The following ARMC2 variants were observed in gnomAD, a reference collection of about 807,000 sequenced individuals.
The protein encoded by ARMC2 is armadillo repeat containing 2.
Under a neutral mutation model 90.3 loss-of-function variants are expected in ARMC2, and 67 were observed. That is an observed-to-expected ratio of 0.74 (90% CI 0.61 to 0.91). The LOEUF is 0.91. Ranked by LOEUF, ARMC2 falls within the 40% of genes least tolerant of loss-of-function variation. The probability of loss-of-function intolerance (pLI) is 0.00; values close to 1 mark genes in which losing one functional copy is unlikely to be tolerated. For missense variants in ARMC2, 920 were observed against 1,030.9 expected (o/e 0.89, Z 1.47); for synonymous variants, 393 against 393.0 (o/e 1.00, Z 0.00).
At chr6:108,962,706 A>G (rs1303187693) in intron 15 of ARMC2, among the ~76,000 whole-genome samples, 1 of 152,240 alleles carries the variant, frequency 6.6e-6, no homozygotes, top group East Asian at 1.9e-4. Context: ...GTAAACTCCA[A>G]TTTAAGACAG....
rs1439290219 is a variant in ARMC2, at chr6:108,913,055, C to T, written c.1350+497C>T. ...TAGGAATGCAGGGAACAAAACTGGA[C>T]GCATGGAATATAAACAGAGCAGGTA... On this transcript the variant is annotated intron_variant, in intron 10 of 17. Coordinates refer to ENST00000392644, the MANE Select transcript of ARMC2 (RefSeq NM_032131.6). 5.9e-5 allele frequency among the ~76,000 whole-genome samples: 9 copies of T among 151,894 alleles called. No individual in the cohort carries two copies. In the South Asian group the frequency reaches 8.3e-4, roughly 14 times the overall value.
chr6:108,894,983 G>C (rs1051551121), intron 6 of ARMC2, among the ~76,000 whole-genome samples: 3 of 150,352 alleles, frequency 2.0e-5, no homozygotes, highest in Non-Finnish European at 1.5e-5. Context: ...AGCCAGGATG[G>C]TCTCAATCTC....
intron 4 of ARMC2, among the ~76,000 whole-genome samples, chr6:108,869,726 A>C (rs1776198022): frequency 6.6e-6 from 1 of 152,136 alleles, no homozygotes; most frequent in Non-Finnish European, 1.5e-5. Flanking sequence ...TGGGACTTCT[A>C]CTGCCTGAGA....
Position 108,973,503 on chromosome 6 carries a change from C to G in ARMC2, c.2593C>G (p.Pro865Ala), listed in dbSNP as rs769615761. 1.2e-6 allele frequency: 2 copies of G among 1,611,756 alleles called. No individual in the cohort carries two copies. The highest frequency in any genetic ancestry group is 2.7e-5 in the African/African-American group (2 of 74,882). ...CACCTTCCTGGAACCCCTGCCCATT[C>G]CCTCTTTCTAACATGATGCAGATTA... is the stretch of plus-strand genomic sequence containing the variant. ...HHTFLEPLPI[P>A]SF The change falls in exon 18 of 18, where the codon CCC (proline) becomes GCC (alanine). Residue 865 changes from proline to alanine, a missense_variant. Pro to Ala is a conservative substitution (Grantham distance 27). Coordinates refer to ENST00000392644, the MANE Select transcript of ARMC2 (RefSeq NM_032131.6).
rs760295248 is a variant in ARMC2 at position 108,904,276 on chromosome 6, T to C, written c.894T>C (p.His298=). The C allele has an allele frequency of 8.7e-6, 14 of 1,613,814 alleles. No homozygotes were observed. The highest frequency in any genetic ancestry group is 1.2e-5 in the Non-Finnish European group (14 of 1,179,860). ...GTGCTGCTTGCACACAACTTCATCA[T>C]GCTTTAGAGGAAGGAAACATGCTTG... is the stretch of plus-strand genomic sequence containing the variant. ...TVCAACTQLH[H]ALEEGNMLGN... The change falls in exon 8 of 18, where the codon CAT becomes CAC. Residue 298 remains histidine, a synonymous_variant. Transcript: ENST00000392644.
the ARMC2 span, among the ~76,000 whole-genome samples, chr6:109,046,157 T>G: frequency 0.072 from 10,952 of 151,920 alleles, 895 homozygotes; most frequent in African/African-American, 0.2. Context: ...GAAGCTGGAC[T>G]GTACTGCTGC....
chr6:108,927,971 G>A, intron 10 of ARMC2, 117 bp from the exon 11 acceptor site: 2 of 1,035,688 alleles, frequency 1.9e-6, no homozygotes, highest in Non-Finnish European at 2.7e-6. Flanking sequence ...ATGCATAGCG[G>A]GAGCTTTGCT....
the ARMC2 span, chr6:108,988,758 A>C: frequency 8.1e-7 from 1 of 1,239,318 alleles, no homozygotes; most frequent in Non-Finnish European, 1.1e-6. Flanking sequence ...AAAAGTATAC[A>C]CATCAATAGT....
At chr6:109,006,469 C>G in the ARMC2 span, among the ~76,000 whole-genome samples, 5 of 129,790 alleles carry the variant, frequency 3.9e-5, no homozygotes, top group East Asian at 1.4e-3. Flanking sequence ...CCACGACAGG[C>G]CCCGGTGTGT....
At chr6:109,010,938 G>C in the ARMC2 span, among the ~76,000 whole-genome samples, 1 of 152,198 alleles carries the variant, frequency 6.6e-6, no homozygotes, top group African/African-American at 2.4e-5. Flanking sequence ...GGTTGTAAAT[G>C]AATGAGTTGG....
intron 17 of ARMC2, among the ~76,000 whole-genome samples, chr6:108,970,180 C>T (rs1227513429): frequency 1.3e-5 from 2 of 152,112 alleles, no homozygotes; most frequent in Non-Finnish European, 2.9e-5. Context: ...AACTTTAGAC[C>T]TCATTTCTCT....
chr6:108,913,607 A>G (rs1350436252), intron 10 of ARMC2, among the ~76,000 whole-genome samples: 1 of 152,252 alleles, frequency 6.6e-6, no homozygotes, highest in Non-Finnish European at 1.5e-5. Context: ...AAATGCTGAA[A>G]AGTATAAGGA....
chr6:109,001,640 A>C, the ARMC2 span: 20 of 676,444 alleles, frequency 3.0e-5, no homozygotes, highest in South Asian at 3.9e-4. Flanking sequence ...ACTGGTTGAA[A>C]GATACAGAAG....
chr6:109,044,753 G>A, the ARMC2 span, among the ~76,000 whole-genome samples: 1 of 152,066 alleles, frequency 6.6e-6, no homozygotes, highest in Admixed American at 6.5e-5. Context: ...GCCGGGCGCA[G>A]TGGCTCACGC....
chr6:108,971,674 C>T (rs1428652622), intron 17 of ARMC2, among the ~76,000 whole-genome samples: 2 of 151,974 alleles, frequency 1.3e-5, no homozygotes, highest in Non-Finnish European at 2.9e-5. Context: ...TGTAACCTAG[C>T]ACTTTGGGAG....
intron 17 of ARMC2, among the ~76,000 whole-genome samples, chr6:108,971,907 C>T (rs929238884): frequency 6.4e-5 from 9 of 140,530 alleles, no homozygotes. Flanking sequence ...GGTGACACAG[C>T]GAGAGTCCAT....
intron 9 of ARMC2, among the ~76,000 whole-genome samples, chr6:108,911,916 T>A (rs1214816568): frequency 6.6e-6 from 1 of 152,156 alleles, no homozygotes; most frequent in South Asian, 2.1e-4. Context: ...GATTTTTTTT[T>A]AAGCCCCTTC....
intron 8 of ARMC2, among the ~76,000 whole-genome samples, chr6:108,906,421 GT>G (rs1772720200): frequency 6.6e-6 from 1 of 151,510 alleles, no homozygotes; most frequent in African/African-American, 2.4e-5. Context: ...ATAAACTACT[GT>G]TTTTAACATA....
the ARMC2 span, among the ~76,000 whole-genome samples, chr6:109,011,305 G>A: frequency 5.3e-5 from 8 of 152,280 alleles, no homozygotes; most frequent in Non-Finnish European, 1.2e-4. Flanking sequence ...TACTGAAATT[G>A]TATAGGAAGC....
Sources: gnomAD v4.1 joint callset for allele counts (sites outside exome capture counted in the v4.1 genomes callset) on GRCh38, gnomAD v4.1.1 for gene constraint, MANE v1.5 for transcripts, NCBI Gene and HGNC (gene_info 2026-07-23, HGNC 2026-07-21) for gene names.